The following LRRC4C variants were observed in gnomAD, a reference collection of about 807,000 sequenced individuals.
The protein encoded by LRRC4C is leucine rich repeat containing 4C, also known as leucine-rich repeat-containing protein 4C.
In LRRC4C, 5 loss-of-function variants were observed where a neutral mutation model predicts 33.6. The observed-to-expected ratio is 0.15, with a 90% CI of 0.08 to 0.31. LRRC4C has a LOEUF of 0.31. Ranked by LOEUF, LRRC4C falls within the 10% of genes least tolerant of loss-of-function variation. The pLI is 1.00. For synonymous variants in LRRC4C, 329 were observed against 302.0 expected, an observed-to-expected ratio of 1.09 and a Z score of -0.93; for missense variants, 560 against 796.7, an observed-to-expected ratio of 0.70 and a Z score of 3.58.
rs77051995 is a variant in LRRC4C at position 40,288,323 on chromosome 11, G to T, written c.-176+31305C>A. On this transcript the variant is annotated intron_variant, in intron 4 of 6. Coordinates refer to ENST00000528697, the MANE Select transcript of LRRC4C (RefSeq NM_001258419.2). ...TAGAGAATTTCCATCTTTTCTTAAG[G>T]TCAGTGAAAATGGTGAACTTTCAAA... Among the ~76,000 whole-genome samples the T allele has an allele frequency of 4.3e-3, 658 of 152,232 alleles. 2 individuals are homozygous for T. Among genetic ancestry groups the T allele is most frequent in the African/African-American group, 0.014 (596 of 41,554 alleles).
chr11:41,033,490 G>T (rs1856843264), intron 1 of LRRC4C, among the ~76,000 whole-genome samples: 1 of 152,048 alleles, frequency 6.6e-6, no homozygotes, highest in Non-Finnish European at 1.5e-5. Context: ...GATGCTCCCA[G>T]AAAATTATAT....
chr11:40,773,249 CA>C (rs201876981), intron 2 of LRRC4C, among the ~76,000 whole-genome samples: 2,378 of 151,880 alleles, frequency 0.016, 65 homozygotes, highest in African/African-American at 0.055. Context: ...TTAATGGGTA[CA>C]AAAGTATAGT....
intron 3 of LRRC4C, among the ~76,000 whole-genome samples, chr11:40,541,139 T>G (rs541619351): frequency 6.6e-6 from 1 of 152,326 alleles, no homozygotes; most frequent in South Asian, 2.1e-4. Context: ...TGGCAGAAAT[T>G]TATAATCCAG....
Position 40,949,594 on chromosome 11 carries a change from G to A in LRRC4C, c.-495-15871C>T, listed in dbSNP as rs565117820. On this transcript the variant is annotated intron_variant, in intron 1 of 6. Coordinates refer to ENST00000528697, the MANE Select transcript of LRRC4C (RefSeq NM_001258419.2). ...CTTAAAGAAAAGAATTTTCAACCCA[G>A]AATTTCATATCCAGCCAAACTAAGC... Among the ~76,000 whole-genome samples the A allele has an allele frequency of 7.9e-3, 1,200 of 152,120 alleles. 18 individuals are homozygous for A. The highest frequency in any genetic ancestry group is 0.027 in the African/African-American group (1,127 of 41,486).
intron 1 of LRRC4C, among the ~76,000 whole-genome samples, chr11:41,302,362 T>A (rs1950311121): frequency 6.6e-6 from 1 of 152,220 alleles, no homozygotes; most frequent in Non-Finnish European, 1.5e-5. Context: ...AGAGGCAAAG[T>A]TGAGAGAGAC....
chr11:40,454,526 T>C (rs1448924125), intron 3 of LRRC4C, among the ~76,000 whole-genome samples: 1 of 152,210 alleles, frequency 6.6e-6, no homozygotes, highest in Non-Finnish European at 1.5e-5. Context: ...GAGATTTATC[T>C]GAAAGATAAC....
At chr11:41,314,280 TAGGTATC>T (rs1591242025) in intron 1 of LRRC4C, among the ~76,000 whole-genome samples, 1 of 152,200 alleles carries the variant, frequency 6.6e-6, no homozygotes, top group African/African-American at 2.4e-5. Context: ...TCATTGTATA[TAGGTATC>T]AGTTAAGTTT....
intron 5 of LRRC4C, among the ~76,000 whole-genome samples, chr11:40,209,848 T>C (rs1863451141): frequency 6.6e-6 from 1 of 152,168 alleles, no homozygotes; most frequent in Non-Finnish European, 1.5e-5. Context: ...GGATGCCTGA[T>C]AAAAGAGAAG....
At chr11:41,082,427 C>CTTT (rs537908452) in intron 1 of LRRC4C, among the ~76,000 whole-genome samples, 11 of 114,924 alleles carry the variant, frequency 9.6e-5, no homozygotes, top group Non-Finnish European at 1.4e-4. Flanking sequence ...AAATCTCACG[C>CTTT]TTTTTTTTTT....
intron 2 of LRRC4C, among the ~76,000 whole-genome samples, chr11:40,822,180 C>T (rs1032529548): frequency 2.6e-5 from 4 of 151,604 alleles, no homozygotes; most frequent in African/African-American, 7.3e-5. Flanking sequence ...GGTTCTAGTC[C>T]ACCATCCACT....
At chr11:40,636,939 G>A in intron 3 of LRRC4C, among the ~76,000 whole-genome samples, 1 of 152,124 alleles carries the variant, frequency 6.6e-6, no homozygotes, top group African/African-American at 2.4e-5. Flanking sequence ...TTCCTCTGAT[G>A]GCCCTTCAAG....
chr11:40,535,427 T>A (rs1194457438), intron 3 of LRRC4C, among the ~76,000 whole-genome samples: 3 of 152,176 alleles, frequency 2.0e-5, no homozygotes, highest in Non-Finnish European at 4.4e-5. Flanking sequence ...TGTCCTTGAT[T>A]CAAGCCATTT....
chr11:40,239,943 C>T (rs1470812), intron 5 of LRRC4C, among the ~76,000 whole-genome samples: 113,498 of 152,124 alleles, frequency 0.75, 46,269 homozygotes, highest in East Asian at 0.95. Context: ...ATCAGCATCA[C>T]GTGCGAGCTT....
intron 2 of LRRC4C, among the ~76,000 whole-genome samples, chr11:40,896,330 C>T (rs188301112): frequency 5.4e-4 from 82 of 152,236 alleles, no homozygotes; most frequent in African/African-American, 1.8e-3. Flanking sequence ...AGAAAGGAAA[C>T]ACACATGGCA....
chr11:40,259,532 T>C (rs531910380), intron 4 of LRRC4C, among the ~76,000 whole-genome samples: 2 of 152,038 alleles, frequency 1.3e-5, no homozygotes, highest in African/African-American at 2.4e-5. Context: ...TTCTAGGGTT[T>C]TTATGGTTTT....
At chr11:41,369,788 C>T (rs1331547614) in intron 1 of LRRC4C, among the ~76,000 whole-genome samples, 1 of 152,056 alleles carries the variant, frequency 6.6e-6, no homozygotes, top group Non-Finnish European at 1.5e-5. Flanking sequence ...GAGAAAAGCT[C>T]AAAGCAGGAG....
At chr11:41,080,159 G>T (rs1939456994) in intron 1 of LRRC4C, among the ~76,000 whole-genome samples, 1 of 152,056 alleles carries the variant, frequency 6.6e-6, no homozygotes, top group South Asian at 2.1e-4. Flanking sequence ...GTACTCTGTA[G>T]CATTCATAAA....
chr11:40,203,796 T>C (rs1444465649), intron 5 of LRRC4C, among the ~76,000 whole-genome samples: 1 of 152,188 alleles, frequency 6.6e-6, no homozygotes, highest in Non-Finnish European at 1.5e-5. Flanking sequence ...ATCTAAACAA[T>C]GTGGAAGCAC....
chr11:41,056,407 G>T (rs1858624563), intron 1 of LRRC4C, among the ~76,000 whole-genome samples: 1 of 152,126 alleles, frequency 6.6e-6, no homozygotes, highest in African/African-American at 2.4e-5. Flanking sequence ...AACAAAAATT[G>T]ACAAGTGAGA....
Sources: gnomAD v4.1 joint callset for allele counts (sites outside exome capture counted in the v4.1 genomes callset) on GRCh38, gnomAD v4.1.1 for gene constraint, MANE v1.5 for transcripts, NCBI Gene and HGNC (gene_info 2026-07-23, HGNC 2026-07-21) for gene names.